The following NWD2 variants were observed in gnomAD, a reference collection of about 807,000 sequenced individuals.
NWD2 encodes NACHT and WD repeat domain containing 2.
Under a neutral mutation model 132.7 loss-of-function variants are expected in NWD2, and 37 were observed. The ratio of observed to expected loss-of-function variants is 0.28; its 90% CI spans 0.21 to 0.37. The LOEUF (loss-of-function observed/expected upper bound fraction) is 0.37. Among genes scored for constraint, NWD2 ranks in the 10% least tolerant of loss-of-function variants. The probability of loss-of-function intolerance (pLI) is 1.00; values close to 1 mark genes in which losing one functional copy is unlikely to be tolerated. For synonymous variants in NWD2, 705 were observed against 803.0 expected, an observed-to-expected ratio of 0.88 and a Z score of 2.06; for missense variants, 1,592 against 2,122.4, an observed-to-expected ratio of 0.75 and a Z score of 4.91.
In NWD2 at chr4:37,435,865, C is replaced by T. The variant is rs116178873; in HGVS notation, c.706+1845C>T. Among the ~76,000 whole-genome samples, 1,082 of 152,184 alleles carry T rather than the reference C, an allele frequency of 7.1e-3. 18 individuals carry two copies. The highest frequency in any genetic ancestry group is 0.025 in the African/African-American group (1,034 of 41,498). On this transcript the variant is annotated intron_variant, in intron 5 of 6. Transcript: ENST00000309447. ...ATTTTACTTATTTTACGTTCAAACT[C>T]CTTTTAAGATCATGTCTGCACAATC...
chr4:37,380,811 G>A (rs1478734287), intron 3 of NWD2, among the ~76,000 whole-genome samples: 4 of 152,244 alleles, frequency 2.6e-5, no homozygotes, highest in East Asian at 1.9e-4. Flanking sequence ...GGTGGAATTC[G>A]GAGGCTTCAT....
intron 3 of NWD2, among the ~76,000 whole-genome samples, chr4:37,375,942 A>G (rs1234662869): frequency 1.3e-5 from 2 of 152,134 alleles, no homozygotes; most frequent in Non-Finnish European, 2.9e-5. Context: ...ATCATAAAGT[A>G]TTTTCCAATG....
chr4:37,307,907 T>G lies in NWD2; in HGVS notation c.152-18029T>G, dbSNP rs534595211. Among the ~76,000 whole-genome samples, 3 of 152,254 alleles carry G rather than the reference T, an allele frequency of 2.0e-5. No homozygotes were observed. The East Asian group carries it at 5.8e-4, about 29-fold the overall frequency. Reference sequence around the variant, plus strand: ...CTAGTCTATTGTTGAAGCTCTTGATTTTTTAAAAAAATGGATTCATTGATT... The same window carrying G: ...CTAGTCTATTGTTGAAGCTCTTGATGTTTTAAAAAAATGGATTCATTGATT... On this transcript the variant is annotated intron_variant, in intron 1 of 6. Transcript: ENST00000309447.
At chr4:37,394,128 CATT>C (rs1720732156) in intron 3 of NWD2, among the ~76,000 whole-genome samples, 1 of 152,190 alleles carries the variant, frequency 6.6e-6, no homozygotes, top group South Asian at 2.1e-4. Flanking sequence ...AATCTCACCT[CATT>C]GTTATCTATC....
intron 1 of NWD2, among the ~76,000 whole-genome samples, chr4:37,269,496 T>A (rs912572434): frequency 2.6e-5 from 4 of 151,922 alleles, no homozygotes; most frequent in Non-Finnish European, 5.9e-5. Context: ...GATCTACCCA[T>A]GTGCTCTTCA....
At chr4:37,394,282 G>A (rs972747877) in intron 3 of NWD2, among the ~76,000 whole-genome samples, 3 of 152,102 alleles carry the variant, frequency 2.0e-5, no homozygotes, top group Non-Finnish European at 2.9e-5. Context: ...TTGTTTTCAC[G>A]TGATTAGTCT....
chr4:37,318,614 C>A (rs1053279104), intron 1 of NWD2, among the ~76,000 whole-genome samples: 3 of 152,058 alleles, frequency 2.0e-5, no homozygotes, highest in African/African-American at 7.2e-5. Flanking sequence ...CAGAAGTCCT[C>A]AATTTCTGTT....
At chr4:37,339,858 G>A (rs1227099595) in intron 2 of NWD2, among the ~76,000 whole-genome samples, 2 of 151,696 alleles carry the variant, frequency 1.3e-5, no homozygotes, top group Non-Finnish European at 2.9e-5. Context: ...TCTGTCTCCA[G>A]TGTCTATTAT....
chr4:37,350,303 T>C (rs1719734285), intron 2 of NWD2, among the ~76,000 whole-genome samples: 1 of 152,230 alleles, frequency 6.6e-6, no homozygotes, highest in Non-Finnish European at 1.5e-5. Context: ...ATATTGATTC[T>C]TCCTATCCAT....
At chr4:37,251,497 A>G (rs772341962) in intron 1 of NWD2, among the ~76,000 whole-genome samples, 1 of 152,168 alleles carries the variant, frequency 6.6e-6, no homozygotes, top group East Asian at 1.9e-4. Context: ...TTTAGTTCAT[A>G]TTGTCAAAGC....
intron 2 of NWD2, among the ~76,000 whole-genome samples, chr4:37,344,346 CTT>C (rs1184265643): frequency 6.6e-6 from 1 of 151,954 alleles, no homozygotes; most frequent in African/African-American, 2.4e-5. Context: ...TGATTTTTAT[CTT>C]TTTCATCATT....
At position 37,244,831 on chromosome 4, in the gene NWD2, AG is replaced by A; in HGVS notation, c.-235del. On this transcript the variant is annotated 5_prime_UTR_variant, in exon 1 of 7. Transcript: ENST00000309447. The surrounding 1 kb of genome is among the most constrained non-coding windows in gnomAD (Gnocchi z 5.5). ...GAGCCCTAGCAGCGGGCGAAGGCGGAGGCCCAGAAGGGCAGGAGACCGCCGC... is the reference window on the plus strand; with the variant it reads ...GAGCCCTAGCAGCGGGCGAAGGCGGAGCCCAGAAGGGCAGGAGACCGCCGC... 2 of 507,814 alleles carry A rather than the reference AG, an allele frequency of 3.9e-6. No individual in the cohort carries two copies. Among genetic ancestry groups the A allele is most frequent in the South Asian group, 5.1e-5 (2 of 39,194 alleles). The allele number at this position is 507,814 out of a possible 1,614,324, so 31.5% of individuals were successfully genotyped here.
chr4:37,435,040 T>C (rs1430381908), intron 5 of NWD2, among the ~76,000 whole-genome samples: 1 of 152,162 alleles, frequency 6.6e-6, no homozygotes, highest in Non-Finnish European at 1.5e-5. Flanking sequence ...TACCAAGCAT[T>C]CTGCGTACAG....
chr4:37,265,710 C>A (rs1577648512), intron 1 of NWD2, among the ~76,000 whole-genome samples: 1 of 151,920 alleles, frequency 6.6e-6, no homozygotes, highest in African/African-American at 2.4e-5. Flanking sequence ...GTTATATTTC[C>A]TCCTCTTATG....
intron 1 of NWD2, among the ~76,000 whole-genome samples, chr4:37,264,936 A>G (rs983627630): frequency 2.6e-5 from 4 of 152,146 alleles, no homozygotes; most frequent in Admixed American, 6.6e-5. Flanking sequence ...AGCATATGCT[A>G]GAGGGTGCTT....
chr4:37,430,592 T>C lies in NWD2; in HGVS notation c.378T>C (p.Tyr126=), dbSNP rs1328541677. 1.9e-6 allele frequency: 3 copies of C among 1,551,542 alleles called. No individual in the cohort carries two copies. The highest frequency in any genetic ancestry group is 2.7e-5 in the African/African-American group (2 of 73,166). ...CACAGGGACTATTAGGTGAAAAATATGGGAATATCCGAATCCCTGGAGAAG... is the reference window on the plus strand; with the variant it reads ...CACAGGGACTATTAGGTGAAAAATACGGGAATATCCGAATCCCTGGAGAAG... ...PCFVGLLGEK[Y]GNIRIPGEVE... The change falls in exon 4 of 7, where the codon TAT becomes TAC. Residue 126 remains tyrosine (Y), a synonymous_variant. Transcript: ENST00000309447.
chr4:37,443,249 C>A lies in NWD2; in HGVS notation c.1297-36C>A. 1 of 1,488,692 alleles carries A rather than the reference C, an allele frequency of 6.7e-7. No homozygotes were observed. The highest frequency in any genetic ancestry group is 9.1e-7 in the Non-Finnish European group (1 of 1,096,728). The allele number at this position is 1,488,692 out of a possible 1,614,324, so 92.2% of individuals were successfully genotyped here. A position where few individuals can be genotyped will look rare whatever the true frequency, so the allele number is the denominator to read the frequency against. On this transcript the variant is annotated intron_variant, in intron 6 of 6. Coordinates refer to ENST00000309447, the MANE Select transcript of NWD2 (RefSeq NM_001144990.2). The surrounding 1 kb of genome is among the most constrained non-coding windows in gnomAD (Gnocchi z 4.1). ...GTTATCACATATGACCATGTGAATA[C>A]ATATTACCATTCTAAACTCCACTTT...
At chr4:37,407,002 C>G (rs528398748) in intron 3 of NWD2, among the ~76,000 whole-genome samples, 30 of 152,040 alleles carry the variant, frequency 2.0e-4, no homozygotes, top group African/African-American at 7.2e-4. Flanking sequence ...CCAAACACCG[C>G]ATGTTCTCAT....
intron 3 of NWD2, among the ~76,000 whole-genome samples, chr4:37,423,919 T>A (rs545356331): frequency 1.4e-4 from 21 of 152,304 alleles, no homozygotes; most frequent in African/African-American, 4.1e-4. Context: ...GTATTACAAA[T>A]TCAGATACAT....
Sources: gnomAD v4.1 joint callset for allele counts (sites outside exome capture counted in the v4.1 genomes callset) on GRCh38, gnomAD v4.1.1 for gene constraint, Gnocchi (gnomAD v3.1) non-coding constraint, MANE v1.5 for transcripts, NCBI Gene and HGNC (gene_info 2026-07-23, HGNC 2026-07-21) for gene names.